Variants in PLCL1 observed in about 807,000 individuals in gnomAD.
The protein encoded by PLCL1 is inactive phospholipase C-like protein 1.
PLCL1 carries 41 observed loss-of-function variants against 84.4 expected under a neutral mutation model. That is an observed-to-expected ratio of 0.49 (90% CI 0.38 to 0.63). The LOEUF is 0.63. Ranked by LOEUF, PLCL1 falls within the 30% of genes least tolerant of loss-of-function variation. PLCL1 has a pLI of 0.00. For synonymous variants in PLCL1, 490 were observed against 488.3 expected (o/e 1.00, Z -0.05); for missense variants, 1,206 against 1,367.8 (o/e 0.88, Z 1.87).
At chr2:197,880,186 A>C (rs1275876155) in intron 1 of PLCL1, among the ~76,000 whole-genome samples, 1 of 152,174 alleles carries the variant, frequency 6.6e-6, no homozygotes, top group Non-Finnish European at 1.5e-5. Context: ...CACTTTTGGC[A>C]GTGCTTATGT....
chr2:198,094,508 CCT>C (rs72165791), intron 3 of PLCL1, among the ~76,000 whole-genome samples: 49,480 of 151,964 alleles, frequency 0.33, 8,425 homozygotes, highest in Non-Finnish European at 0.39. Context: ...CACACTCTCC[CCT>C]GTCTTAGCAC....
In PLCL1 at chr2:198,084,929, T is replaced by A; in HGVS notation, c.1412T>A (p.Val471Asp). Residue 471 changes from valine to aspartate, a missense_variant, in exon 2 of 6, where the codon GTC becomes GAC. Physicochemically the swap from Val to Asp is radical, Grantham distance 152. Transcript: ENST00000428675. ...NMTTHVSFRSVIEVINKFAFV... is the reference protein window; with the variant it reads ...NMTTHVSFRSDIEVINKFAFV... ...ACAACCCATGTTTCCTTTCGAAGTG[T>A]CATAGAGGTAATAAATAAATTTGCC... 1 of 1,614,010 alleles carries A rather than the reference T, an allele frequency of 6.2e-7. No individual in the cohort carries two copies. The highest frequency in any genetic ancestry group is 8.5e-7 in the Non-Finnish European group (1 of 1,179,938).
intron 1 of PLCL1, among the ~76,000 whole-genome samples, chr2:197,980,232 A>G (rs1254986263): frequency 6.6e-6 from 1 of 152,194 alleles, no homozygotes; most frequent in Non-Finnish European, 1.5e-5. Context: ...AAGTGGGACC[A>G]GTTTAACTTT....
intron 1 of PLCL1, among the ~76,000 whole-genome samples, chr2:197,870,898 A>T (rs1687639195): frequency 6.6e-6 from 1 of 151,656 alleles, no homozygotes; most frequent in South Asian, 2.1e-4. Context: ...TCCTTATCAC[A>T]CTCCCTTACC....
intron 1 of PLCL1, among the ~76,000 whole-genome samples, chr2:197,903,174 G>C (rs1180814823): frequency 6.6e-6 from 1 of 152,080 alleles, no homozygotes; most frequent in African/African-American, 2.4e-5. Flanking sequence ...CTTTCTTAAG[G>C]ATCATATAAT....
At chr2:197,963,184 A>G (rs994405045) in intron 1 of PLCL1, among the ~76,000 whole-genome samples, 3 of 151,700 alleles carry the variant, frequency 2.0e-5, no homozygotes, top group Admixed American at 6.6e-5. Flanking sequence ...CTAATTTACA[A>G]CCACTATGGA....
intron 1 of PLCL1, among the ~76,000 whole-genome samples, chr2:197,949,509 C>G (rs1168003967): frequency 1.3e-5 from 2 of 152,110 alleles, no homozygotes; most frequent in Non-Finnish European, 2.9e-5. Context: ...GGAAAAAACC[C>G]TATTTGTGAA....
rs1693407397 is a variant in PLCL1, at chr2:198,103,914, C to T, written c.3083C>T (p.Ala1028Val). ...CTCAACAAAGCAACTGAGAGCTTTG[C>T]TTGGAACATTACAGTATTGAAGGTA... ...RKLNKATESFAWNITVLKGQG... is the reference protein window; with the variant it reads ...RKLNKATESFVWNITVLKGQG... Residue 1028 changes from alanine to valine, a missense_variant, in exon 5 of 6, where the codon GCT (alanine) becomes GTT (valine). Coordinates refer to ENST00000428675, the MANE Select transcript of PLCL1 (RefSeq NM_006226.4). The T allele has an allele frequency of 6.3e-7, 1 of 1,599,216 alleles. No individual in the cohort carries two copies. Among genetic ancestry groups the T allele is most frequent in the Admixed American group, 1.7e-5 (1 of 59,020 alleles).
chr2:197,963,248 G>T (rs187407055), intron 1 of PLCL1, among the ~76,000 whole-genome samples: 3 of 152,112 alleles, frequency 2.0e-5, no homozygotes, highest in African/African-American at 4.8e-5. Context: ...GTCAGCATTT[G>T]TTATTGACTG....
intron 1 of PLCL1, among the ~76,000 whole-genome samples, chr2:197,899,642 T>TC (rs1688223709): frequency 6.8e-6 from 1 of 147,908 alleles, no homozygotes; most frequent in African/African-American, 2.5e-5. Flanking sequence ...TTTCTTTCTT[T>TC]TTTTTTTTTT....
chr2:197,903,486 T>C (rs1688310819), intron 1 of PLCL1, among the ~76,000 whole-genome samples: 2 of 113,352 alleles, frequency 1.8e-5, no homozygotes, highest in East Asian at 5.2e-4. Context: ...TTTTTTTTTT[T>C]TTTTTTTTTT....
intron 1 of PLCL1, among the ~76,000 whole-genome samples, chr2:197,833,221 A>G (rs780866983): frequency 2.0e-5 from 3 of 152,246 alleles, no homozygotes; most frequent in Non-Finnish European, 2.9e-5. Flanking sequence ...ACCCATAGCC[A>G]ATATCATACT....
intron 1 of PLCL1, among the ~76,000 whole-genome samples, chr2:197,986,971 G>C (rs954265750): frequency 6.6e-6 from 1 of 152,144 alleles, no homozygotes; most frequent in Non-Finnish European, 1.5e-5. Context: ...CTTGCCTAAG[G>C]CCATACAACT....
At chr2:198,122,215 A>T (rs1693884626) in intron 5 of PLCL1, among the ~76,000 whole-genome samples, 1 of 152,106 alleles carries the variant, frequency 6.6e-6, no homozygotes, top group South Asian at 2.1e-4. Flanking sequence ...ATCCCAGTGC[A>T]AGAAGACATT....
At chr2:197,831,284 C>T (rs928051234) in intron 1 of PLCL1, among the ~76,000 whole-genome samples, 3 of 151,798 alleles carry the variant, frequency 2.0e-5, no homozygotes, top group African/African-American at 4.8e-5. Flanking sequence ...ATCTCACATG[C>T]AAAGACGCAC....
At chr2:198,130,744 T>C (rs939102428) in intron 5 of PLCL1, among the ~76,000 whole-genome samples, 2 of 152,102 alleles carry the variant, frequency 1.3e-5, no homozygotes. Context: ...CACCTCTAAT[T>C]GGTTAGCAAG....
At chr2:198,034,836 T>C (rs1691518169) in intron 1 of PLCL1, among the ~76,000 whole-genome samples, 1 of 152,216 alleles carries the variant, frequency 6.6e-6, no homozygotes, top group African/African-American at 2.4e-5. Flanking sequence ...CTTAGATCAG[T>C]TCTTCGGTAT....
intron 1 of PLCL1, among the ~76,000 whole-genome samples, chr2:198,012,443 C>T (rs1001867726): frequency 1.3e-5 from 2 of 152,096 alleles, no homozygotes; most frequent in African/African-American, 4.8e-5. Context: ...TCGTTCTGCA[C>T]TGTCTCTAGT....
intron 1 of PLCL1, among the ~76,000 whole-genome samples, chr2:198,037,872 C>A (rs983879655): frequency 5.3e-5 from 8 of 151,996 alleles, no homozygotes; most frequent in Non-Finnish European, 7.4e-5. Context: ...GAGGGTAAGA[C>A]AACTATGAAA....
Sources: allele counts gnomAD v4.1 joint callset (sites outside exome capture counted in the v4.1 genomes callset), GRCh38; gene constraint gnomAD v4.1.1; transcripts MANE v1.5; gene names NCBI Gene and HGNC (gene_info 2026-07-23, HGNC 2026-07-21).